Variants in GALNT18 observed in about 807,000 individuals in gnomAD.
GALNT18 encodes the protein polypeptide N-acetylgalactosaminyltransferase 18.
Under a neutral mutation model 69.5 loss-of-function variants are expected in GALNT18, and 44 were observed. The observed-to-expected ratio is 0.63, with a 90% CI of 0.50 to 0.81. The LOEUF (loss-of-function observed/expected upper bound fraction) is 0.81. Ranked by LOEUF, GALNT18 falls within the 40% of genes least tolerant of loss-of-function variation. GALNT18 has a pLI of 0.00. For missense variants in GALNT18, 715 were observed against 810.0 expected (o/e 0.88, Z 1.42); for synonymous variants, 364 against 318.2 (o/e 1.14, Z -1.53).
Position 11,564,167 on chromosome 11 carries a change from A to G in GALNT18, c.235+57192T>C, listed in dbSNP as rs1207432439. ...GAGGTAGAACAACTTTCCCAAGGCC[A>G]GAGAGTTTATAAGCTTCCACGCTAG... On this transcript the variant is annotated intron_variant, in intron 1 of 10. Coordinates refer to ENST00000227756, the MANE Select transcript of GALNT18 (RefSeq NM_198516.3). The surrounding 1 kb of genome is among the most constrained non-coding windows in gnomAD (Gnocchi z 4.3). 6.6e-6 allele frequency among the ~76,000 whole-genome samples: 1 copy of G among 152,232 alleles called. No homozygotes were observed.
chr11:11,277,325 A>G (rs1463646000), intron 10 of GALNT18, among the ~76,000 whole-genome samples: 1 of 152,122 alleles, frequency 6.6e-6, no homozygotes, highest in African/African-American at 2.4e-5. Context: ...TTCTGATGGT[A>G]GTTTGTATTT....
At chr11:11,443,906 C>A (rs1445309615) in intron 2 of GALNT18, among the ~76,000 whole-genome samples, 1 of 152,236 alleles carries the variant, frequency 6.6e-6, no homozygotes, top group Non-Finnish European at 1.5e-5. Flanking sequence ...GGCCTGGATC[C>A]TTGAGGAAGT....
At chr11:11,514,394 G>A (rs1429451778) in intron 1 of GALNT18, among the ~76,000 whole-genome samples, 1 of 152,182 alleles carries the variant, frequency 6.6e-6, no homozygotes, top group African/African-American at 2.4e-5. Context: ...CTCCAAGGAA[G>A]CAGCCTCCCT....
In GALNT18 at chr11:11,586,872, C is replaced by G. The variant is rs1487184363; in HGVS notation, c.235+34487G>C. Among the ~76,000 whole-genome samples, 1 of 152,048 alleles carries G rather than the reference C, an allele frequency of 6.6e-6. No individual in the cohort carries two copies. The highest frequency in any genetic ancestry group is 1.5e-5 in the Non-Finnish European group (1 of 68,024). ...GTGTGGTGGCGGGCGTCTGTAATCC[C>G]AGCTACTCAGGAGGCTGAGGCAGGA... On this transcript the variant is annotated intron_variant, in intron 1 of 10. Coordinates refer to ENST00000227756, the MANE Select transcript of GALNT18 (RefSeq NM_198516.3). This position sits in a 1 kb window ranked among gnomAD's most constrained non-coding sequence, Gnocchi z 4.1.
At chr11:11,488,437 C>T (rs7943717) in intron 1 of GALNT18, among the ~76,000 whole-genome samples, 47,932 of 151,638 alleles carry the variant, frequency 0.32, 7,830 homozygotes, top group East Asian at 0.43. Flanking sequence ...CTCTTGTGGA[C>T]GATCCAGGAT....
intron 3 of GALNT18, among the ~76,000 whole-genome samples, chr11:11,425,921 C>T (rs1855118415): frequency 6.6e-6 from 1 of 152,242 alleles, no homozygotes; most frequent in South Asian, 2.1e-4. Context: ...CTCTGGAAGT[C>T]TGTAGAGGTT....
Position 11,383,576 on chromosome 11 carries a change from C to CAAGG in GALNT18, c.596-4313_596-4312insCCTT, listed in dbSNP as rs1853972674. Among the ~76,000 whole-genome samples the CAAGG allele has an allele frequency of 1.3e-5, 2 of 152,202 alleles. No homozygotes were observed. Among genetic ancestry groups the CAAGG allele is most frequent in the African/African-American group, 4.8e-5 (2 of 41,436 alleles). On this transcript the variant is annotated intron_variant, in intron 3 of 10. Coordinates refer to ENST00000227756, the MANE Select transcript of GALNT18 (RefSeq NM_198516.3). The surrounding 1 kb of genome is among the most constrained non-coding windows in gnomAD (Gnocchi z 5.2). ...AGGTTCAGATGAGCATTTCCCACATCTTCTCTAGGTTTTGGGGACATAGAA... is the reference window on the plus strand; with the variant it reads ...AGGTTCAGATGAGCATTTCCCACATCAAGGTTCTCTAGGTTTTGGGGACATAGAA...
intron 10 of GALNT18, among the ~76,000 whole-genome samples, chr11:11,287,079 A>G (rs1307173399): frequency 6.6e-6 from 1 of 152,094 alleles, no homozygotes; most frequent in Non-Finnish European, 1.5e-5. Flanking sequence ...AGCTCAATAA[A>G]TTGTTCCTAA....
rs1320503627 is a variant in GALNT18, at chr11:11,347,396, C to T, written c.1093-6392G>A. 6.6e-6 allele frequency among the ~76,000 whole-genome samples: 1 copy of T among 152,228 alleles called. No individual in the cohort carries two copies. The highest frequency in any genetic ancestry group is 1.5e-5 in the Non-Finnish European group (1 of 68,044). On this transcript the variant is annotated intron_variant, in intron 6 of 10. Coordinates refer to ENST00000227756, the MANE Select transcript of GALNT18 (RefSeq NM_198516.3). The surrounding 1 kb of genome is among the most constrained non-coding windows in gnomAD (Gnocchi z 4.0). The stretch of plus-strand genomic sequence containing the variant: ...GACAGGGATGGCAAATGAGTTTACA[C>T]TCCTGTGTGAAATCCATTTGCTTGT...
Position 11,332,642 on chromosome 11 carries a change from T to C in GALNT18, c.1416+52A>G, listed in dbSNP as rs2133049209. 1 of 1,598,776 alleles carries C rather than the reference T, an allele frequency of 6.3e-7. No individual in the cohort carries two copies. Among genetic ancestry groups the C allele is most frequent in the Non-Finnish European group, 8.6e-7 (1 of 1,166,966 alleles). On this transcript the variant is annotated intron_variant, in intron 8 of 10. Coordinates refer to ENST00000227756, the MANE Select transcript of GALNT18 (RefSeq NM_198516.3). This position sits in a 1 kb window ranked among gnomAD's most constrained non-coding sequence, Gnocchi z 4.3. ...TTCCCTCCTCTCCCTTTCTTCACTA[T>C]GTTTCTTTCTGTCTGTGTCTGAATG... is the stretch of plus-strand genomic sequence containing the variant.
chr11:11,560,166 GA>G (rs371069298), intron 1 of GALNT18, among the ~76,000 whole-genome samples: 13 of 145,058 alleles, frequency 9.0e-5, no homozygotes, highest in African/African-American at 3.3e-4. Context: ...GGATGTATGG[GA>G]TGGGATAGAA....
intron 1 of GALNT18, among the ~76,000 whole-genome samples, chr11:11,536,475 G>C (rs978380440): frequency 6.6e-6 from 1 of 152,140 alleles, no homozygotes; most frequent in South Asian, 2.1e-4. Flanking sequence ...GAAGGCAAGA[G>C]GGAGGAAACC....
At chr11:11,457,463 G>C (rs963115209) in intron 1 of GALNT18, among the ~76,000 whole-genome samples, 1 of 152,224 alleles carries the variant, frequency 6.6e-6, no homozygotes, top group Non-Finnish European at 1.5e-5. Flanking sequence ...ACTCATATCT[G>C]CTCCTTGGAT....
chr11:11,364,561 A>G (rs944516606), intron 6 of GALNT18, among the ~76,000 whole-genome samples: 3 of 90,040 alleles, frequency 3.3e-5, no homozygotes, highest in South Asian at 3.1e-4. Flanking sequence ...GAGGGGGGGA[A>G]AAAGAGATGG....
intron 1 of GALNT18, among the ~76,000 whole-genome samples, chr11:11,509,603 ATTGT>A (rs1177490131): frequency 1.3e-5 from 2 of 152,194 alleles, no homozygotes; most frequent in African/African-American, 4.8e-5. Flanking sequence ...AGTCACATCA[ATTGT>A]TTGTGCTCCT....
intron 6 of GALNT18, among the ~76,000 whole-genome samples, chr11:11,365,231 G>C (rs1437329552): frequency 2.0e-5 from 3 of 152,056 alleles, no homozygotes; most frequent in Non-Finnish European, 2.9e-5. Flanking sequence ...CCACTTATGG[G>C]TGAGAACATG....
At position 11,372,548 on chromosome 11, in the gene GALNT18, G is replaced by C. The variant is rs778240559; in HGVS notation, c.1059C>G (p.Val353=). ...EIGLLDEGME[V]YGGENVELGI... is the part of the protein sequence containing the mutation. Reference sequence around the variant, plus strand: ...CAAGCTCCACATTCTCGCCCCCGTAGACTTCCATGCCTTCGTCCAGCAGGC... The same window carrying C: ...CAAGCTCCACATTCTCGCCCCCGTACACTTCCATGCCTTCGTCCAGCAGGC... The change falls in exon 6 of 11, where the codon GTC becomes GTG. Residue 353 remains valine, a synonymous_variant. Transcript: ENST00000227756. This position sits in a 1 kb window ranked among gnomAD's most constrained non-coding sequence, Gnocchi z 4.9. 13 of 1,614,076 alleles carry C rather than the reference G, an allele frequency of 8.1e-6. No homozygotes were observed. In the East Asian group the frequency reaches 2.7e-4, roughly 33 times the overall value.
At chr11:11,355,738 G>C (rs937848305) in intron 6 of GALNT18, among the ~76,000 whole-genome samples, 1 of 152,050 alleles carries the variant, frequency 6.6e-6, no homozygotes, top group Non-Finnish European at 1.5e-5. Flanking sequence ...AATTAAGCAA[G>C]TCATCAAGAC....
intron 10 of GALNT18, among the ~76,000 whole-genome samples, chr11:11,276,488 A>G (rs1163001143): frequency 4.6e-5 from 7 of 152,186 alleles, no homozygotes; most frequent in Non-Finnish European, 1.0e-4. Context: ...AGGCAATTTG[A>G]CTTCCTCTCT....
Sources: allele counts gnomAD v4.1 joint callset (sites outside exome capture counted in the v4.1 genomes callset), GRCh38; gene constraint gnomAD v4.1.1; non-coding constraint Gnocchi (gnomAD v3.1); transcripts MANE v1.5; gene names NCBI Gene and HGNC (gene_info 2026-07-23, HGNC 2026-07-21).